The following NSD2 variants were observed in gnomAD, a reference collection of about 807,000 sequenced individuals.
The protein encoded by NSD2 is histone-lysine N-methyltransferase NSD2.
Under a neutral mutation model 139.0 loss-of-function variants are expected in NSD2, and 12 were observed. The ratio of observed to expected loss-of-function variants is 0.09; its 90% CI spans 0.06 to 0.14. NSD2 has a LOEUF of 0.14. Among genes scored for constraint, NSD2 ranks in the 10% least tolerant of loss-of-function variants. NSD2 has a pLI of 1.00. For missense variants in NSD2, 1,155 were observed against 1,745.0 expected, an observed-to-expected ratio of 0.66 and a Z score of 6.02; for synonymous variants, 669 against 648.7, an observed-to-expected ratio of 1.03 and a Z score of -0.48.
chr4:1,939,529 C>T (rs1175074484), intron 8 of NSD2, 125 bp from the exon 9 acceptor site: 4 of 1,011,704 alleles, frequency 4.0e-6, no homozygotes, highest in Non-Finnish European at 5.8e-6. Context: ...AAAGTTAAGC[C>T]AGAAGGACAA....
intron 17 of NSD2, among the ~76,000 whole-genome samples, chr4:1,960,089 C>T (rs1725221703): frequency 6.6e-6 from 1 of 152,052 alleles, no homozygotes; most frequent in South Asian, 2.1e-4. Flanking sequence ...GAACTCCTGG[C>T]CCCAAACCAT....
rs1263836070 is a variant in NSD2, at chr4:1,973,418, A to G, written c.3373-1445A>G. ...TGTCCTCGTCCCCAGGGCCCTGCAG[A>G]AGTGGTGTGCATGCCAACGTGCACA... is the stretch of plus-strand genomic sequence containing the variant. On this transcript the variant is annotated intron_variant, in intron 18 of 21. Transcript: ENST00000508803. This position sits in a 1 kb window ranked among gnomAD's most constrained non-coding sequence, Gnocchi z 5.5. 6.6e-6 allele frequency among the ~76,000 whole-genome samples: 1 copy of G among 152,174 alleles called. No individual in the cohort carries two copies. Among genetic ancestry groups the G allele is most frequent in the Non-Finnish European group, 1.5e-5 (1 of 68,028 alleles).
chr4:1,947,032 T>C (rs1723708412), intron 9 of NSD2: 2 of 1,063,880 alleles, frequency 1.9e-6, no homozygotes, highest in East Asian at 5.0e-5. Flanking sequence ...GTGGGGGTCC[T>C]GGTCCGGCTG....
Position 1,955,913 on chromosome 4 carries a change from C to T in NSD2, c.2675+64C>T. The T allele has an allele frequency of 6.2e-7, 1 of 1,610,446 alleles. No individual in the cohort carries two copies. The highest frequency in any genetic ancestry group is 8.5e-7 in the Non-Finnish European group (1 of 1,177,488). On this transcript the variant is annotated intron_variant, in intron 14 of 21. Coordinates refer to ENST00000508803, the MANE Select transcript of NSD2 (RefSeq NM_001042424.3). This position sits in a 1 kb window ranked among gnomAD's most constrained non-coding sequence, Gnocchi z 4.7. Reference sequence around the variant, plus strand: ...GTTCACATGTGTTCGCTTTACAGTACTTAAAGTATTGAAATTATTATCGCT... The same window carrying T: ...GTTCACATGTGTTCGCTTTACAGTATTTAAAGTATTGAAATTATTATCGCT...
intron 1 of NSD2, among the ~76,000 whole-genome samples, chr4:1,898,380 C>T (rs113648846): frequency 0.062 from 9,451 of 152,224 alleles, 846 homozygotes; most frequent in African/African-American, 0.2. Flanking sequence ...AAAATGGTTT[C>T]GTGGCCAGGT....
At position 1,917,330 on chromosome 4, in the gene NSD2, G is replaced by T. The variant is rs145999441; in HGVS notation, c.927+293G>T. 2.6e-3 allele frequency among the ~76,000 whole-genome samples: 396 copies of T among 152,214 alleles called. 3 individuals are homozygous for T. Among genetic ancestry groups the T allele is most frequent in the African/African-American group, 9.2e-3 (381 of 41,536 alleles). On this transcript the variant is annotated intron_variant, in intron 4 of 21. Coordinates refer to ENST00000508803, the MANE Select transcript of NSD2 (RefSeq NM_001042424.3). ...GTGTATACACACACACAGACAGAGG[G>T]ATTAATGTAATGTGATAGGAATTGA...
intron 1 of NSD2, among the ~76,000 whole-genome samples, chr4:1,899,002 C>T (rs1003204616): frequency 1.3e-5 from 2 of 151,954 alleles, no homozygotes; most frequent in East Asian, 3.9e-4. Flanking sequence ...TATGTTTTGT[C>T]CAGGGTTATA....
intron 5 of NSD2, among the ~76,000 whole-genome samples, chr4:1,923,059 G>A (rs577646990): frequency 9.0e-4 from 137 of 152,308 alleles, no homozygotes; most frequent in Non-Finnish European, 1.5e-3. Flanking sequence ...TGCACTGGAC[G>A]TGGTGCTGGG....
At position 1,939,717 on chromosome 4, in the gene NSD2, C is replaced by T. The variant is rs1413976698; in HGVS notation, c.1820C>T (p.Ala607Val). Residue 607 changes from alanine to valine, a missense_variant, in exon 9 of 22, where the codon GCA (alanine) becomes GTA (valine). Ala to Val is a moderately conservative substitution (Grantham distance 64). This residue lies in a region of NSD2 where 420 missense variants were observed against 469.0 expected (regional missense o/e 0.90). Transcript: ENST00000508803. ...AAGCGAAATCGGGCTTCCACGGCAG[C>T]ATCTTCAGCTCTTGGGTTTAGCAAA... ...LKKRNRASTAASSALGFSKSS... is the reference protein window; with the variant it reads ...LKKRNRASTAVSSALGFSKSS... 6.2e-7 allele frequency: 1 copy of T among 1,614,262 alleles called. No homozygotes were observed. The highest frequency in any genetic ancestry group is 8.5e-7 in the Non-Finnish European group (1 of 1,180,048).
Position 1,942,641 on chromosome 4 carries a change from A to G in NSD2, c.1881+2863A>G, listed in dbSNP as rs1723215153. Reference sequence around the variant, plus strand: ...GAAACACGTTCATATTCCAGTGGTCAATGTAGATTTCAAGTTGAAAGGCAG... The same window carrying G: ...GAAACACGTTCATATTCCAGTGGTCGATGTAGATTTCAAGTTGAAAGGCAG... On this transcript the variant is annotated intron_variant, in intron 9 of 21. Coordinates refer to ENST00000508803, the MANE Select transcript of NSD2 (RefSeq NM_001042424.3). The surrounding 1 kb of genome is among the most constrained non-coding windows in gnomAD (Gnocchi z 4.0). The G allele has an allele frequency of 1.7e-6, 2 of 1,198,538 alleles. No homozygotes were observed. The highest frequency in any genetic ancestry group is 3.1e-5 in the African/African-American group (2 of 64,250). The allele number at this position is 1,198,538 out of a possible 1,614,324, so 74.2% of individuals were successfully genotyped here. A position where few individuals can be genotyped will look rare whatever the true frequency, so the allele number is the denominator to read the frequency against.
chr4:1,953,466 C>A lies in NSD2; in HGVS notation c.2280C>A (p.Pro760=). 1 of 1,614,128 alleles carries A rather than the reference C, an allele frequency of 6.2e-7. No individual in the cohort carries two copies. The highest frequency in any genetic ancestry group is 8.5e-7 in the Non-Finnish European group (1 of 1,180,040). ...TVFESRGFRC[P]LHSCVSCHAS... ...TTGAGAGCCGAGGTTTCCGCTGCCC[C>A]CTCCACAGCTGTGTGAGCTGCCATG... Residue 760 remains proline, a synonymous_variant, in exon 12 of 22, where the codon CCC becomes CCA. Transcript: ENST00000508803.
Position 1,942,814 on chromosome 4 carries a change from A to G in NSD2, c.1881+3036A>G. The G allele has an allele frequency of 9.3e-7, 1 of 1,076,488 alleles. No individual in the cohort carries two copies. The highest frequency in any genetic ancestry group is 1.1e-6 in the Non-Finnish European group (1 of 885,334). The allele number at this position is 1,076,488 out of a possible 1,614,324, so 66.7% of individuals were successfully genotyped here. A position where few individuals can be genotyped will look rare whatever the true frequency, so the allele number is the denominator to read the frequency against. ...CTACCCTCAGAAACAAACTAACAGC[A>G]CACGTTAGGAGGAGTCCTCATCAGC... On this transcript the variant is annotated intron_variant, in intron 9 of 21. Coordinates refer to ENST00000508803, the MANE Select transcript of NSD2 (RefSeq NM_001042424.3). This position sits in a 1 kb window ranked among gnomAD's most constrained non-coding sequence, Gnocchi z 4.0.
chr4:1,940,186 TCA>T (rs1722944695), intron 9 of NSD2: 1 of 1,090,058 alleles, frequency 9.2e-7, no homozygotes, highest in Non-Finnish European at 1.1e-6. Context: ...GGAAGGCGAC[TCA>T]CACACCACAC....
intron 7 of NSD2, 35 bp downstream of exon 7, chr4:1,935,297 GTGTATGCTC>G (rs1560697402): frequency 6.5e-7 from 1 of 1,541,180 alleles, no homozygotes. Context: ...ACCTGTCAGA[GTGTATGCTC>G]TGTGACTCTT....
intron 5 of NSD2, among the ~76,000 whole-genome samples, chr4:1,930,094 C>T (rs1471102155): frequency 6.6e-6 from 1 of 152,072 alleles, no homozygotes; most frequent in Non-Finnish European, 1.5e-5. Flanking sequence ...GAAGCCTCGT[C>T]TTTTGGCTGT....
chr4:1,960,149 G>A (rs993950832), intron 17 of NSD2, among the ~76,000 whole-genome samples: 8 of 152,204 alleles, frequency 5.3e-5, no homozygotes, highest in African/African-American at 1.9e-4. Context: ...AAGAGCCTCT[G>A]TGCCTGACCT....
At chr4:1,950,286 A>G (rs1009318979) in intron 9 of NSD2, among the ~76,000 whole-genome samples, 2 of 152,088 alleles carry the variant, frequency 1.3e-5, no homozygotes, top group Admixed American at 6.6e-5. Context: ...AATGAAGGGG[A>G]GAGAGAGGCA....
At chr4:1,885,605 A>T (rs145663906) in intron 1 of NSD2, among the ~76,000 whole-genome samples, 169 of 151,592 alleles carry the variant, frequency 1.1e-3, no homozygotes, top group African/African-American at 3.9e-3. Flanking sequence ...GCTTGGGGCC[A>T]CACATCATGC....
chr4:1,917,084 T>G, intron 4 of NSD2, 47 bp downstream of exon 4: 1 of 1,500,764 alleles, frequency 6.7e-7, no homozygotes, highest in Non-Finnish European at 8.9e-7. Context: ...AATTTAATTT[T>G]TATTCTTTAA....
Sources: gnomAD v4.1 joint callset for allele counts (sites outside exome capture counted in the v4.1 genomes callset) on GRCh38, gnomAD v4.1.1 for gene constraint, gnomAD v4.1.1 regional missense constraint, Gnocchi (gnomAD v3.1) non-coding constraint, MANE v1.5 for transcripts, NCBI Gene and HGNC (gene_info 2026-07-23, HGNC 2026-07-21) for gene names.